HIPK2: variants seen among roughly 807,000 people sequenced by gnomAD.
HIPK2 encodes homeodomain-interacting protein kinase 2.
Under a neutral mutation model 113.7 loss-of-function variants are expected in HIPK2, and 27 were observed. The observed-to-expected ratio is 0.24, with a 90% CI of 0.17 to 0.33. The LOEUF is 0.33. Among genes scored for constraint, HIPK2 ranks in the 10% least tolerant of loss-of-function variants. The pLI is 1.00. For missense variants in HIPK2, 1,257 were observed against 1,588.0 expected (o/e 0.79, Z 3.54); for synonymous variants, 631 against 642.2 (o/e 0.98, Z 0.26).
intron 1 of HIPK2, among the ~76,000 whole-genome samples, chr7:139,749,583 C>T (rs1360560283): frequency 1.3e-5 from 2 of 152,224 alleles, no homozygotes; most frequent in African/African-American, 4.8e-5. Flanking sequence ...CTAGCATTTA[C>T]TGGGCGTGGA....
At chr7:139,617,082 A>C (rs894919449) in intron 7 of HIPK2, among the ~76,000 whole-genome samples, 2 of 152,254 alleles carry the variant, frequency 1.3e-5, no homozygotes, top group Non-Finnish European at 2.9e-5. Flanking sequence ...CCAGTTGAAG[A>C]AGCCCATGTG....
rs1451737510 is a variant in HIPK2, at chr7:139,570,123, T to C, written c.*2804A>G. 2 of 152,202 alleles carry C rather than the reference T, an allele frequency of 1.3e-5. No individual in the cohort carries two copies. The highest frequency in any genetic ancestry group is 2.4e-5 in the African/African-American group (1 of 41,444). 9.4% of individuals were successfully genotyped at this position (152,202 alleles called of 1,614,324 possible). On this transcript the variant is annotated 3_prime_UTR_variant, in exon 15 of 15. Transcript: ENST00000406875. ...GATCTAGAAAGGGCTGGAAATGAACTGTGCCCAGGAATCTGGGGGTGCTCT... is the reference window on the plus strand; with the variant it reads ...GATCTAGAAAGGGCTGGAAATGAACCGTGCCCAGGAATCTGGGGGTGCTCT...
chr7:139,703,248 A>T (rs1585396455), intron 2 of HIPK2, among the ~76,000 whole-genome samples: 1 of 152,134 alleles, frequency 6.6e-6, no homozygotes, highest in South Asian at 2.1e-4. Context: ...GATTTGTGTG[A>T]CCACCACCAC....
intron 1 of HIPK2, among the ~76,000 whole-genome samples, chr7:139,745,284 C>A (rs144644955): frequency 2.0e-5 from 3 of 152,238 alleles, no homozygotes; most frequent in African/African-American, 7.2e-5. Flanking sequence ...AAAAGTCCCA[C>A]CAGGGTGCGA....
At chr7:139,711,706 A>G (rs1254992688) in intron 2 of HIPK2, among the ~76,000 whole-genome samples, 1 of 152,090 alleles carries the variant, frequency 6.6e-6, no homozygotes, top group African/African-American at 2.4e-5. Context: ...GGTTCTGCTG[A>G]TAATGGAAAT....
chr7:139,624,915 G>C (rs780563819), intron 6 of HIPK2, among the ~76,000 whole-genome samples: 1 of 152,144 alleles, frequency 6.6e-6, no homozygotes, highest in Non-Finnish European at 1.5e-5. Flanking sequence ...CAATTCCACC[G>C]TATTTCTCTG....
At chr7:139,705,105 C>T (rs933301378) in intron 2 of HIPK2, among the ~76,000 whole-genome samples, 3 of 152,162 alleles carry the variant, frequency 2.0e-5, no homozygotes, top group African/African-American at 7.2e-5. Context: ...GGCCTCCAGG[C>T]GCCTGTAAGA....
At chr7:139,739,896 C>T (rs1796048704) in intron 1 of HIPK2, among the ~76,000 whole-genome samples, 1 of 152,214 alleles carries the variant, frequency 6.6e-6, no homozygotes, top group African/African-American at 2.4e-5. Context: ...ACATTCCATT[C>T]CCTTTTATTG....
At chr7:139,657,275 C>T (rs73156881) in intron 2 of HIPK2, among the ~76,000 whole-genome samples, 1 of 152,160 alleles carries the variant, frequency 6.6e-6, no homozygotes, top group African/African-American at 2.4e-5. Context: ...TGCACGCTGA[C>T]CCTCCGTGGG....
intron 2 of HIPK2, among the ~76,000 whole-genome samples, chr7:139,713,835 G>A (rs909754014): frequency 6.6e-6 from 1 of 152,236 alleles, no homozygotes; most frequent in African/African-American, 2.4e-5. Flanking sequence ...CCCCAATGGG[G>A]CTGGTACCCG....
At chr7:139,676,846 G>C in intron 2 of HIPK2, among the ~76,000 whole-genome samples, 1 of 104,896 alleles carries the variant, frequency 9.5e-6, no homozygotes, top group East Asian at 2.1e-4. Context: ...TAGAACCATA[G>C]TATTTCTTTT....
At chr7:139,712,895 T>C (rs1475448694) in intron 2 of HIPK2, among the ~76,000 whole-genome samples, 1 of 151,938 alleles carries the variant, frequency 6.6e-6, no homozygotes, top group Non-Finnish European at 1.5e-5. Context: ...AAACAGAACA[T>C]TGCACCAACT....
At chr7:139,743,766 G>T (rs1233620846) in intron 1 of HIPK2, among the ~76,000 whole-genome samples, 4 of 152,194 alleles carry the variant, frequency 2.6e-5, no homozygotes, top group Admixed American at 6.5e-5. Flanking sequence ...GATGGTTTAA[G>T]ACTCAGGATG....
chr7:139,741,591 C>T (rs938096562), intron 1 of HIPK2, among the ~76,000 whole-genome samples: 3 of 152,194 alleles, frequency 2.0e-5, no homozygotes, highest in African/African-American at 7.2e-5. Flanking sequence ...ATATGTCCTA[C>T]CAGTGCACAG....
intron 2 of HIPK2, among the ~76,000 whole-genome samples, chr7:139,633,125 A>T (rs554246831): frequency 6.8e-6 from 1 of 146,040 alleles, no homozygotes; most frequent in South Asian, 2.2e-4. Flanking sequence ...AAAAAGAAAG[A>T]AAGTAGCTCA....
At chr7:139,616,783 T>C (rs1400043797) in intron 7 of HIPK2, among the ~76,000 whole-genome samples, 1 of 152,236 alleles carries the variant, frequency 6.6e-6, no homozygotes, top group African/African-American at 2.4e-5. Context: ...GGCTGTGTCT[T>C]AGTGGTGTTT....
chr7:139,686,461 C>G (rs1349269748), intron 2 of HIPK2, among the ~76,000 whole-genome samples: 4 of 152,128 alleles, frequency 2.6e-5, no homozygotes, highest in African/African-American at 9.7e-5. Context: ...CCCATCATCC[C>G]CAAGTGTTGT....
intron 2 of HIPK2, among the ~76,000 whole-genome samples, chr7:139,712,293 C>T (rs2116923866): frequency 6.6e-6 from 1 of 152,356 alleles, no homozygotes; most frequent in African/African-American, 2.4e-5. Context: ...GCTCCGGGGA[C>T]ACCACCTCCT....
intron 1 of HIPK2, among the ~76,000 whole-genome samples, chr7:139,720,626 G>A (rs1795380518): frequency 1.3e-5 from 2 of 152,176 alleles, no homozygotes; most frequent in African/African-American, 4.8e-5. Flanking sequence ...TCAGTATCAA[G>A]TGAATATCCA....
Sources: gnomAD v4.1 joint callset for allele counts (sites outside exome capture counted in the v4.1 genomes callset) on GRCh38, gnomAD v4.1.1 for gene constraint, MANE v1.5 for transcripts, NCBI Gene and HGNC (gene_info 2026-07-23, HGNC 2026-07-21) for gene names.